The following MGAT5 variants were observed in gnomAD, a reference collection of about 807,000 sequenced individuals.
MGAT5 encodes the protein alpha-1,6-mannosylglycoprotein 6-beta-N-acetylglucosaminyltransferase A.
MGAT5 carries 30 observed loss-of-function variants against 94.3 expected under a neutral mutation model. The observed-to-expected ratio is 0.32, with a 90% confidence interval of 0.24 to 0.43. The LOEUF (loss-of-function observed/expected upper bound fraction) is 0.43. Among genes scored for constraint, MGAT5 ranks in the 20% least tolerant of loss-of-function variants. The pLI, the probability that MGAT5 is intolerant of heterozygous loss-of-function variation, is 1.00. For missense variants in MGAT5, 691 were observed against 905.5 expected (o/e 0.76, Z 3.04); for synonymous variants, 310 against 322.9 (o/e 0.96, Z 0.43).
chr2:134,274,241 A>C (rs1684205409), intron 2 of MGAT5, among the ~76,000 whole-genome samples: 1 of 152,226 alleles, frequency 6.6e-6, no homozygotes, highest in African/African-American at 2.4e-5. Flanking sequence ...AATATTGCTC[A>C]CATGGATTGG....
intron 1 of MGAT5, among the ~76,000 whole-genome samples, chr2:134,169,291 G>T (rs1030162220): frequency 2.6e-5 from 4 of 152,074 alleles, no homozygotes; most frequent in African/African-American, 9.7e-5. Context: ...TGTAATCCCA[G>T]CACTTTGGGA....
At chr2:134,204,458 G>T (rs1679939261) in intron 1 of MGAT5, among the ~76,000 whole-genome samples, 2 of 152,144 alleles carry the variant, frequency 1.3e-5, no homozygotes, top group South Asian at 4.1e-4. Flanking sequence ...ATGTCCTGGG[G>T]TTAAGTGAGG....
Position 134,152,822 on chromosome 2 carries a change from C to T in MGAT5, c.-143+32531C>T, listed in dbSNP as rs538060285. On this transcript the variant is annotated intron_variant, in intron 1 of 16. Transcript: ENST00000409645. The stretch of plus-strand genomic sequence containing the variant: ...AAATAGGGCAGTGCTTTGGCAACCT[C>T]AGTTGCGTAAGGAAGTCCAAAGGAA... Among the ~76,000 whole-genome samples, 9 of 151,602 alleles carry T rather than the reference C, an allele frequency of 5.9e-5. No individual in the cohort carries two copies. In the South Asian group the frequency reaches 1.7e-3, roughly 28 times the overall value.
intron 9 of MGAT5, among the ~76,000 whole-genome samples, chr2:134,355,952 A>G (rs1159072442): frequency 6.6e-6 from 1 of 152,238 alleles, no homozygotes; most frequent in African/African-American, 2.4e-5. Context: ...TAACCTTTGA[A>G]ATCAGTTCTG....
At chr2:134,341,559 G>T (rs368258767) in intron 6 of MGAT5, 31 bp from the exon 7 acceptor site, 8 of 1,587,186 alleles carry the variant, frequency 5.0e-6, no homozygotes, top group Non-Finnish European at 6.9e-6. Context: ...GTGGTTCAGT[G>T]TGAATCAGTA....
At position 134,229,567 on chromosome 2, in the gene MGAT5, C is replaced by T. The variant is rs189766579; in HGVS notation, c.-142-24695C>T. 1.0e-3 allele frequency among the ~76,000 whole-genome samples: 156 copies of T among 152,092 alleles called. 2 individuals are homozygous for T. The highest frequency in any genetic ancestry group is 3.1e-3 in the African/African-American group (130 of 41,466). ...ACTGATAAGGAGCTTACAGGATATG[C>T]CCATATATGTTAAAAATGCCACAGA... On this transcript the variant is annotated intron_variant, in intron 1 of 16. Coordinates refer to the MGAT5 transcript ENST00000409645.
At chr2:134,369,757 GAA>G (rs1423339853) in intron 10 of MGAT5, among the ~76,000 whole-genome samples, 48 of 151,632 alleles carry the variant, frequency 3.2e-4, no homozygotes, top group African/African-American at 8.5e-4. Context: ...GTGTGTGTGT[GAA>G]TGACAGACTT....
intron 15 of MGAT5, among the ~76,000 whole-genome samples, chr2:134,444,471 C>A (rs1685664377): frequency 6.6e-6 from 1 of 151,828 alleles, no homozygotes; most frequent in Non-Finnish European, 1.5e-5. Context: ...AACATAAGAA[C>A]CCTGCTGAAT....
intron 1 of MGAT5, among the ~76,000 whole-genome samples, chr2:134,205,175 T>C (rs1418091933): frequency 6.6e-6 from 1 of 152,164 alleles, no homozygotes; most frequent in Non-Finnish European, 1.5e-5. Context: ...ATGTAGGTAA[T>C]GGTCCAGTTT....
chr2:134,144,935 G>C (rs1686841216), intron 1 of MGAT5, among the ~76,000 whole-genome samples: 1 of 152,178 alleles, frequency 6.6e-6, no homozygotes, highest in Non-Finnish European at 1.5e-5. Context: ...ACAGGCATGA[G>C]GTCACGCTGG....
intron 1 of MGAT5, among the ~76,000 whole-genome samples, chr2:134,245,204 G>A (rs1194263467): frequency 2.6e-5 from 4 of 152,138 alleles, no homozygotes; most frequent in African/African-American, 7.2e-5. Flanking sequence ...AGGAGAGACG[G>A]GGTTTCACCG....
rs1268239993 is a variant in MGAT5 at position 134,172,656 on chromosome 2, G to A, written c.-143+52365G>A. 2.6e-5 allele frequency among the ~76,000 whole-genome samples: 4 copies of A among 152,202 alleles called. No individual in the cohort carries two copies. In the East Asian group the frequency reaches 7.7e-4, roughly 29 times the overall value. ...CCGCCTCGACCTCCCAAAGTGCTGG[G>A]ATTACAGGTGTGAGCCACCATGCCC... On this transcript the variant is annotated intron_variant, in intron 1 of 16. Coordinates refer to the MGAT5 transcript ENST00000409645.
At chr2:134,293,324 G>A (rs1378870611) in intron 2 of MGAT5, among the ~76,000 whole-genome samples, 1 of 152,116 alleles carries the variant, frequency 6.6e-6, no homozygotes, top group East Asian at 1.9e-4. Flanking sequence ...TTTAGTATAC[G>A]TATGCGAGGG....
chr2:134,313,089 C>CACACAT (rs1246302623), intron 2 of MGAT5, among the ~76,000 whole-genome samples: 32 of 104,288 alleles, frequency 3.1e-4, no homozygotes, highest in African/African-American at 9.2e-4. Flanking sequence ...CACACACACA[C>CACACAT]ACATATCTGT....
At position 134,190,511 on chromosome 2, in the gene MGAT5, A is replaced by G. The variant is rs13428863; in HGVS notation, c.-142-63751A>G. Among the ~76,000 whole-genome samples the G allele has an allele frequency of 6.7e-3, 1,021 of 152,144 alleles. 10 individuals carry two copies. The highest frequency in any genetic ancestry group is 0.023 in the African/African-American group (945 of 41,496). Reference sequence around the variant, plus strand: ...TCCCAGCTCCCTTCCCCACCACCCAACCCCACAACAACAAAAATTGTGTAG... The same window carrying G: ...TCCCAGCTCCCTTCCCCACCACCCAGCCCCACAACAACAAAAATTGTGTAG... On this transcript the variant is annotated intron_variant, in intron 1 of 16. Coordinates refer to the MGAT5 transcript ENST00000409645.
chr2:134,395,523 G>A (rs893682828), intron 10 of MGAT5, among the ~76,000 whole-genome samples: 1 of 152,232 alleles, frequency 6.6e-6, no homozygotes, highest in African/African-American at 2.4e-5. Context: ...TGGCTTTGGA[G>A]TAGTATTAGC....
In MGAT5 at chr2:134,449,176, A is replaced by G. The variant is rs1179844393; in HGVS notation, c.*329A>G. 1 of 269,272 alleles carries G rather than the reference A, an allele frequency of 3.7e-6. No homozygotes were observed. Among genetic ancestry groups the G allele is most frequent in the Non-Finnish European group, 7.1e-6 (1 of 141,034 alleles). 16.7% of individuals were successfully genotyped at this position (269,272 alleles called of 1,614,324 possible). ...TCTCAAGAGTCCTTTAAAACAAAACAGGAGGAATTGAGCTGATGGGAAAGA... is the reference window on the plus strand; with the variant it reads ...TCTCAAGAGTCCTTTAAAACAAAACGGGAGGAATTGAGCTGATGGGAAAGA... On this transcript the variant is annotated 3_prime_UTR_variant, in exon 16 of 16. Coordinates refer to ENST00000281923, the MANE Select transcript of MGAT5 (RefSeq NM_002410.5).
intron 11 of MGAT5, among the ~76,000 whole-genome samples, chr2:134,408,853 C>A (rs1217032198): frequency 6.6e-6 from 1 of 152,116 alleles, no homozygotes; most frequent in Non-Finnish European, 1.5e-5. Flanking sequence ...TGCCTATTAC[C>A]AGAAACATTA....
chr2:134,332,722 G>T (rs1688053768), intron 4 of MGAT5, among the ~76,000 whole-genome samples: 1 of 151,990 alleles, frequency 6.6e-6, no homozygotes, highest in Non-Finnish European at 1.5e-5. Flanking sequence ...AATCTACAAT[G>T]AACTCAAACA....
Sources: gnomAD v4.1 joint callset for allele counts (sites outside exome capture counted in the v4.1 genomes callset) on GRCh38, gnomAD v4.1.1 for gene constraint, MANE v1.5 for transcripts, NCBI Gene and HGNC (gene_info 2026-07-23, HGNC 2026-07-21) for gene names.